KCNG2: variants seen among roughly 807,000 people sequenced by gnomAD.
KCNG2 encodes voltage-gated potassium channel regulatory subunit KCNG2.
A neutral mutation model predicts 12.3 loss-of-function variants in KCNG2; 7 were observed. The observed-to-expected ratio is 0.57, with a 90% CI of 0.32 to 1.07. The LOEUF is 1.07. Among genes scored for constraint, KCNG2 ranks in the 50% least tolerant of loss-of-function variants. The probability of loss-of-function intolerance (pLI) is 0.04; values close to 1 mark genes in which losing one functional copy is unlikely to be tolerated. For synonymous variants in KCNG2, 414 were observed against 351.4 expected, an observed-to-expected ratio of 1.18 and a Z score of -1.99; for missense variants, 703 against 726.0, an observed-to-expected ratio of 0.97 and a Z score of 0.36.
rs1979032725 is a variant in KCNG2 at position 79,857,006 on chromosome 18, C to T, written c.-41+554C>T. Among the ~76,000 whole-genome samples, 5 of 138,436 alleles carry T rather than the reference C, an allele frequency of 3.6e-5. No homozygotes were observed. In the Admixed American group the frequency reaches 3.7e-4, roughly 10 times the overall value. The allele number at this position is 138,436 out of a possible 152,430, so 90.8% of individuals were successfully genotyped here. On this transcript the variant is annotated intron_variant, in intron 2 of 3. Transcript: ENST00000316249. ...GCTCCAGCCCTTCTGCTGGGCCAGC[C>T]CTCCGTCCCAGAGGAGCTCTCCTGC...
intron 1 of KCNG2, among the ~76,000 whole-genome samples, chr18:79,843,718 T>C (rs1046041105): frequency 1.3e-5 from 2 of 151,956 alleles, no homozygotes; most frequent in Non-Finnish European, 2.9e-5. Flanking sequence ...AAGAAAAAAA[T>C]TGTAATAGAT....
intron 1 of KCNG2, among the ~76,000 whole-genome samples, chr18:79,836,208 C>G (rs185414258): frequency 2.0e-5 from 3 of 152,216 alleles, no homozygotes; most frequent in African/African-American, 7.2e-5. Context: ...AAACATTAAT[C>G]AAAAGAACGT....
intron 3 of KCNG2, among the ~76,000 whole-genome samples, chr18:79,873,563 C>T (rs1035084740): frequency 6.6e-5 from 10 of 152,048 alleles, no homozygotes; most frequent in African/African-American, 1.2e-4. Context: ...GCTGTCCGGC[C>T]GTGAGCCCTG....
At position 79,899,166 on chromosome 18, in the gene KCNG2, C is replaced by G; in HGVS notation, c.751C>G (p.Leu251Val). 6.2e-7 allele frequency: 1 copy of G among 1,606,732 alleles called. No individual in the cohort carries two copies. Among genetic ancestry groups the G allele is most frequent in the South Asian group, 1.1e-5 (1 of 90,988 alleles). The change falls in exon 4 of 4, where the codon CTC becomes GTC. Residue 251 changes from leucine to valine, a missense_variant. Physicochemically the swap from Leu to Val is conservative, Grantham distance 32. Coordinates refer to ENST00000316249, the MANE Select transcript of KCNG2 (RefSeq NM_012283.2). ...ESKCAFLRAP[L>V]NIIDILALLP... ...CAAGTGCGCCTTCCTGCGCGCGCCACTCAACATCATTGACATCCTGGCGCT... is the reference window on the plus strand; with the variant it reads ...CAAGTGCGCCTTCCTGCGCGCGCCAGTCAACATCATTGACATCCTGGCGCT...
At position 79,798,982 on chromosome 18, in the gene KCNG2, C is replaced by A. The variant is rs529649252; in HGVS notation, c.-115+968C>A. Among the ~76,000 whole-genome samples the A allele has an allele frequency of 4.8e-3, 730 of 152,338 alleles. 2 individuals carry two copies. Among genetic ancestry groups the A allele is most frequent in the African/African-American group, 0.014 (593 of 41,588 alleles). ...CCACACAGCAGGGGCTGCGGGGACC[C>A]CCTCTGTCACCTCCTCCAAAGGGTC... On this transcript the variant is annotated intron_variant, in intron 1 of 3. Transcript: ENST00000316249.
chr18:79,834,364 C>G (rs1268545841), intron 1 of KCNG2, among the ~76,000 whole-genome samples: 2 of 152,182 alleles, frequency 1.3e-5, no homozygotes, highest in African/African-American at 4.8e-5. Context: ...GGGAGGACAT[C>G]TTTTGTGCTG....
intron 1 of KCNG2, among the ~76,000 whole-genome samples, chr18:79,848,783 C>T (rs1399852902): frequency 2.6e-5 from 4 of 152,174 alleles, no homozygotes; most frequent in Admixed American, 1.3e-4. Flanking sequence ...CGGGAGCTTC[C>T]GTTCCCCAGA....
At chr18:79,888,474 C>T (rs1386818949) in intron 3 of KCNG2, among the ~76,000 whole-genome samples, 2 of 117,154 alleles carry the variant, frequency 1.7e-5, no homozygotes, top group African/African-American at 5.4e-5. Context: ...CGCGGTGGGG[C>T]CGGGACGGCG....
At position 79,899,132 on chromosome 18, in the gene KCNG2, G is replaced by A; in HGVS notation, c.717G>A (p.Gln239=). 3.1e-6 allele frequency: 5 copies of A among 1,607,744 alleles called. No homozygotes were observed. The highest frequency in any genetic ancestry group is 4.2e-6 in the Non-Finnish European group (5 of 1,179,466). The part of the protein sequence containing the change: ...FSFEFLLRSL[Q]AESKCAFLRA... The stretch of plus-strand genomic sequence containing the variant: ...TCGAGTTCCTGCTGCGCTCCCTGCA[G>A]GCCGAGAGCAAGTGCGCCTTCCTGC... Residue 239 remains glutamine, a synonymous_variant, in exon 4 of 4, where the codon CAG becomes CAA. Coordinates refer to ENST00000316249, the MANE Select transcript of KCNG2 (RefSeq NM_012283.2).
intron 1 of KCNG2, among the ~76,000 whole-genome samples, chr18:79,849,870 C>T (rs1379338168): frequency 6.7e-6 from 1 of 150,018 alleles, no homozygotes; most frequent in African/African-American, 2.4e-5. Flanking sequence ...GAACCCGAGA[C>T]TCCACCCAGG....
At chr18:79,837,912 T>C (rs1978350899) in intron 1 of KCNG2, among the ~76,000 whole-genome samples, 1 of 152,212 alleles carries the variant, frequency 6.6e-6, no homozygotes, top group African/African-American at 2.4e-5. Flanking sequence ...TATACAGAAC[T>C]ACCTGAGACT....
chr18:79,888,582 G>A (rs986098729), intron 3 of KCNG2, among the ~76,000 whole-genome samples: 27 of 152,192 alleles, frequency 1.8e-4, no homozygotes, highest in Admixed American at 3.9e-4. Context: ...TCCTGAAGCC[G>A]CTGTGCGGTT....
intron 1 of KCNG2, among the ~76,000 whole-genome samples, chr18:79,809,970 C>T (rs1029792014): frequency 1.3e-5 from 2 of 152,200 alleles, no homozygotes; most frequent in African/African-American, 4.8e-5. Flanking sequence ...TGCTCATTGG[C>T]GTTTGGCTGT....
chr18:79,887,760 C>G (rs1014165353), intron 3 of KCNG2, among the ~76,000 whole-genome samples: 1 of 152,200 alleles, frequency 6.6e-6, no homozygotes, highest in Non-Finnish European at 1.5e-5. Flanking sequence ...GGGGCTCCCT[C>G]GGGCACAGAT....
At chr18:79,821,553 G>A (rs146672571) in intron 1 of KCNG2, among the ~76,000 whole-genome samples, 3,439 of 152,242 alleles carry the variant, frequency 0.023, 146 homozygotes, top group African/African-American at 0.077. Flanking sequence ...GCCTCCCAAA[G>A]TGCTGGGATT....
At chr18:79,834,030 G>A (rs534795148) in intron 1 of KCNG2, among the ~76,000 whole-genome samples, 3 of 152,246 alleles carry the variant, frequency 2.0e-5, no homozygotes, top group Non-Finnish European at 4.4e-5. Context: ...GGGGACGGTG[G>A]GCTGAGGAGG....
intron 3 of KCNG2, among the ~76,000 whole-genome samples, chr18:79,879,032 G>A (rs529603881): frequency 6.6e-5 from 10 of 152,376 alleles, no homozygotes; most frequent in South Asian, 4.1e-4. Context: ...GCCCCATGCC[G>A]CCTCCCTGGA....
intron 1 of KCNG2, among the ~76,000 whole-genome samples, chr18:79,801,898 T>C (rs1599359630): frequency 6.6e-6 from 1 of 152,320 alleles, no homozygotes; most frequent in East Asian, 1.9e-4. Context: ...GCGTTTCTCA[T>C]CACACTCATC....
rs577995561 is a variant in KCNG2, at chr18:79,858,985, G to T, written c.-41+2533G>T. Among the ~76,000 whole-genome samples the T allele has an allele frequency of 8.5e-5, 13 of 152,226 alleles. No homozygotes were observed. The South Asian group carries it at 2.7e-3, about 32-fold the overall frequency. On this transcript the variant is annotated intron_variant, in intron 2 of 3. Transcript: ENST00000316249. ...TGGATACTGGACTCTTATCAGATAC[G>T]GGACTTGCAGCTCTTTTTTTTTCCA...
Sources: allele counts gnomAD v4.1 joint callset (sites outside exome capture counted in the v4.1 genomes callset), GRCh38; gene constraint gnomAD v4.1.1; transcripts MANE v1.5; gene names NCBI Gene and HGNC (gene_info 2026-07-23, HGNC 2026-07-21).